The following AMPD3 variants were observed in gnomAD, a reference collection of about 807,000 sequenced individuals.
AMPD3 encodes AMP deaminase 3.
AMPD3 carries 57 observed loss-of-function variants against 82.3 expected under a neutral mutation model. The observed-to-expected ratio is 0.69, with a 90% CI of 0.56 to 0.86. The LOEUF (loss-of-function observed/expected upper bound fraction) is 0.86, where lower values mean the gene tolerates loss of function less well. Ranked by LOEUF, AMPD3 falls within the 40% of genes least tolerant of loss-of-function variation. AMPD3 has a pLI of 0.00. For synonymous variants in AMPD3, 381 were observed against 394.7 expected (o/e 0.97, Z 0.41); for missense variants, 870 against 1,003.8 (o/e 0.87, Z 1.80).
upstream of AMPD3, chr11:10,450,736 C>A: frequency 3.5e-6 from 4 of 1,129,904 alleles, no homozygotes; most frequent in Non-Finnish European, 3.2e-6. Flanking sequence ...GGTAGCCTCT[C>A]GGCTCTCTCT....
intron 4 of AMPD3, chr11:10,484,290 G>C (rs1848999127): frequency 1.0e-6 from 1 of 985,196 alleles, no homozygotes; most frequent in African/African-American, 1.7e-5. Flanking sequence ...CTGCTCTGGG[G>C]GAGACAAGTT....
At chr11:10,463,944 G>GGGT (rs1848343846) in intron 2 of AMPD3, among the ~76,000 whole-genome samples, 1 of 152,134 alleles carries the variant, frequency 6.6e-6, no homozygotes, top group South Asian at 2.1e-4. Flanking sequence ...TTGCCACCAT[G>GGGT]GACACTACAT....
intron 2 of AMPD3, among the ~76,000 whole-genome samples, chr11:10,474,836 G>T (rs1591455922): frequency 6.6e-6 from 1 of 152,192 alleles, no homozygotes; most frequent in South Asian, 2.1e-4. Flanking sequence ...GAAGGAGGGG[G>T]TGTGCCAGCT....
chr11:10,470,042 A>G (rs1296264061), intron 2 of AMPD3, among the ~76,000 whole-genome samples: 26 of 149,332 alleles, frequency 1.7e-4, no homozygotes, highest in African/African-American at 6.1e-4. Flanking sequence ...TCCGTCTCAA[A>G]AAAAAAAAAA....
At chr11:10,497,950 C>G (rs1282681698) in intron 10 of AMPD3, among the ~76,000 whole-genome samples, 1 of 152,192 alleles carries the variant, frequency 6.6e-6, no homozygotes, top group Admixed American at 6.5e-5. Flanking sequence ...GTTGAGTGCT[C>G]TCCCTGGATT....
At position 10,456,930 on chromosome 11, in the gene AMPD3, C is replaced by G. The variant is rs543144287; in HGVS notation, c.-6+1482C>G. On this transcript the variant is annotated intron_variant, in intron 1 of 14. Coordinates refer to ENST00000396553, the MANE Select transcript of AMPD3 (RefSeq NM_001025389.2). The surrounding 1 kb of genome is among the most constrained non-coding windows in gnomAD (Gnocchi z 4.3). The stretch of plus-strand genomic sequence containing the variant: ...CCCCAAGTGGGTTACTTGGTCCATA[C>G]TAAGATATGGAATTAATTATTTTGT... Among the ~76,000 whole-genome samples the G allele has an allele frequency of 1.3e-5, 2 of 151,114 alleles. No homozygotes were observed. The highest frequency in any genetic ancestry group is 2.4e-5 in the African/African-American group (1 of 41,032).
chr11:10,479,061 T>G (rs1848827089), intron 3 of AMPD3, among the ~76,000 whole-genome samples: 1 of 152,134 alleles, frequency 6.6e-6, no homozygotes, highest in African/African-American at 2.4e-5. Flanking sequence ...CTTGGGCCTT[T>G]CAGTGTTGCC....
intron 2 of AMPD3, among the ~76,000 whole-genome samples, chr11:10,462,027 G>C (rs368242232): frequency 4.6e-5 from 7 of 152,196 alleles, no homozygotes; most frequent in African/African-American, 1.7e-4. Flanking sequence ...GATTTCTTAG[G>C]AGACAGCAAT....
intron 4 of AMPD3, chr11:10,484,371 C>G (rs2133895681): frequency 1.0e-6 from 1 of 985,356 alleles, no homozygotes; most frequent in African/African-American, 1.7e-5. Flanking sequence ...GGGCTCGGGA[C>G]AGTTATTCCC....
At chr11:10,489,472 G>A (rs372137429) in intron 6 of AMPD3, among the ~76,000 whole-genome samples, 8 of 152,196 alleles carry the variant, frequency 5.3e-5, no homozygotes, top group African/African-American at 2.4e-5. Flanking sequence ...CAGTCCTGGC[G>A]TGGGGCTAGG....
At chr11:10,465,785 G>A (rs1050523751) in intron 2 of AMPD3, among the ~76,000 whole-genome samples, 4 of 152,020 alleles carry the variant, frequency 2.6e-5, no homozygotes, top group East Asian at 1.9e-4. Flanking sequence ...AAAACAGGGC[G>A]GCCATTCAGG....
At chr11:10,451,098 G>T, upstream of AMPD3, 1 of 1,545,746 alleles carries the variant, frequency 6.5e-7, no homozygotes, top group Non-Finnish European at 8.7e-7. Flanking sequence ...CGGACCCTGC[G>T]GCCCAGGCGG....
intron 2 of AMPD3, among the ~76,000 whole-genome samples, chr11:10,471,645 C>T (rs531499302): frequency 2.5e-4 from 38 of 152,328 alleles, no homozygotes; most frequent in African/African-American, 8.9e-4. Flanking sequence ...AGGATATGAA[C>T]AGACACTTCT....
intron 2 of AMPD3, among the ~76,000 whole-genome samples, chr11:10,467,714 G>A (rs113130115): frequency 6.6e-6 from 1 of 152,090 alleles, no homozygotes. Flanking sequence ...ACACATAATC[G>A]TCAGATGCCC....
chr11:10,455,034 A>G (rs1256725262), upstream of AMPD3: 1 of 526,748 alleles, frequency 1.9e-6, no homozygotes, highest in Non-Finnish European at 2.4e-6. Context: ...AGGAATTATG[A>G]TGTGAGCTCA....
intron 2 of AMPD3, among the ~76,000 whole-genome samples, chr11:10,468,484 A>G (rs1848487724): frequency 6.6e-6 from 1 of 152,238 alleles, no homozygotes; most frequent in African/African-American, 2.4e-5. Flanking sequence ...TCCTAAATAT[A>G]TATGCACCCA....
intron 11 of AMPD3, 101 bp downstream of exon 11, chr11:10,500,350 G>A: frequency 6.8e-7 from 1 of 1,475,068 alleles, no homozygotes; most frequent in African/African-American, 1.4e-5. Context: ...TTGTGTCCGT[G>A]TGCACCTGAA....
chr11:10,499,109 C>G (rs571208417), intron 10 of AMPD3: 1 of 152,584 alleles, frequency 6.6e-6, no homozygotes, highest in African/African-American at 2.4e-5. Context: ...TCTTATCTGT[C>G]TGTGAGGCAG....
intron 6 of AMPD3, chr11:10,488,459 G>A (rs952768961): frequency 4.3e-6 from 4 of 922,570 alleles, no homozygotes; most frequent in Non-Finnish European, 5.0e-6. Context: ...AGGAGGGAGG[G>A]ATGGTATGAG....
Sources: gnomAD v4.1 joint callset for allele counts (sites outside exome capture counted in the v4.1 genomes callset) on GRCh38, gnomAD v4.1.1 for gene constraint, Gnocchi (gnomAD v3.1) non-coding constraint, MANE v1.5 for transcripts, NCBI Gene and HGNC (gene_info 2026-07-23, HGNC 2026-07-21) for gene names.